FAM135B: variants seen among roughly 807,000 people sequenced by gnomAD.
The protein encoded by FAM135B is family with sequence similarity 135 member B, also known as protein FAM135B.
FAM135B carries 43 observed loss-of-function variants against 127.7 expected under a neutral mutation model. The observed-to-expected ratio is 0.34, with a 90% CI of 0.26 to 0.43. The LOEUF (loss-of-function observed/expected upper bound fraction) is 0.43, where lower values mean the gene tolerates loss of function less well. Ranked by LOEUF, FAM135B falls within the 20% of genes least tolerant of loss-of-function variation. The pLI is 1.00. For synonymous variants in FAM135B, 670 were observed against 665.1 expected (o/e 1.01, Z -0.11); for missense variants, 1,558 against 1,725.6 (o/e 0.90, Z 1.72).
At chr8:138,417,608 T>A (rs1319854886) in intron 1 of FAM135B, among the ~76,000 whole-genome samples, 2 of 152,124 alleles carry the variant, frequency 1.3e-5, no homozygotes, top group Admixed American at 1.3e-4. Context: ...CCTTGGCTCC[T>A]CCAACACAGC....
Position 138,440,660 on chromosome 8 carries a change from T to C in FAM135B, c.-20+56011A>G, listed in dbSNP as rs114415558. The C allele has an allele frequency of 1.3e-3, 202 of 152,270 alleles. 2 individuals carry two copies. Among genetic ancestry groups the C allele is most frequent in the African/African-American group, 4.6e-3 (191 of 41,566 alleles). 9.4% of individuals were successfully genotyped at this position (152,270 alleles called of 1,614,324 possible). A position where few individuals can be genotyped will look rare whatever the true frequency, so the allele number is the denominator to read the frequency against. On this transcript the variant is annotated intron_variant, in intron 1 of 19. Transcript: ENST00000395297. Reference sequence around the variant, plus strand: ...TACTGGACACCTTACCCAATACTTTTTTGACATGAGATATTTTAGAGGTGT... The same window carrying C: ...TACTGGACACCTTACCCAATACTTTCTTGACATGAGATATTTTAGAGGTGT...
intron 4 of FAM135B, among the ~76,000 whole-genome samples, chr8:138,261,788 T>C (rs968752595): frequency 6.6e-6 from 1 of 152,208 alleles, no homozygotes; most frequent in Non-Finnish European, 1.5e-5. Flanking sequence ...CTGAATTTCT[T>C]ATAGCACATG....
At chr8:138,171,098 T>A (rs556108522) in intron 11 of FAM135B, among the ~76,000 whole-genome samples, 1 of 152,282 alleles carries the variant, frequency 6.6e-6, no homozygotes, top group Non-Finnish European at 1.5e-5. Context: ...GCTCCCTTGG[T>A]CCTCCAGCTT....
Position 138,130,161 on chromosome 8 carries a change from A to G in FAM135B, c.*2432T>C, listed in dbSNP as rs2130454561. ...CAGGCATTTTGTTTATAATTTTTACAATCAATAATAGAATGTCCCTGTTTT... is the reference window on the plus strand; with the variant it reads ...CAGGCATTTTGTTTATAATTTTTACGATCAATAATAGAATGTCCCTGTTTT... On this transcript the variant is annotated 3_prime_UTR_variant, in exon 20 of 20. Coordinates refer to ENST00000395297, the MANE Select transcript of FAM135B (RefSeq NM_015912.4). 1 of 151,240 alleles carries G rather than the reference A, an allele frequency of 6.6e-6. No homozygotes were observed. The highest frequency in any genetic ancestry group is 6.6e-5 in the Admixed American group (1 of 15,148). The allele number at this position is 151,240 out of a possible 1,614,324, so 9.4% of individuals were successfully genotyped here. A position where few individuals can be genotyped will look rare whatever the true frequency, so the allele number is the denominator to read the frequency against.
intron 3 of FAM135B, among the ~76,000 whole-genome samples, chr8:138,277,034 A>G (rs1038736887): frequency 6.6e-6 from 1 of 152,172 alleles, no homozygotes; most frequent in African/African-American, 2.4e-5. Flanking sequence ...CCCTGGTTAA[A>G]ATGAGCAAGG....
intron 1 of FAM135B, among the ~76,000 whole-genome samples, chr8:138,449,235 T>A (rs555517386): frequency 6.6e-6 from 1 of 152,044 alleles, no homozygotes; most frequent in Non-Finnish European, 1.5e-5. Context: ...CTGTATTAAG[T>A]AGAATAAAAG....
intron 7 of FAM135B, among the ~76,000 whole-genome samples, chr8:138,237,150 A>ATTTTTTTTTTTTTT (rs10604150): frequency 8.9e-5 from 9 of 101,324 alleles, no homozygotes; most frequent in African/African-American, 8.3e-5. Context: ...TGGATCCTTG[A>ATTTTTTTTTTTTTT]TTTTTTTTTT....
chr8:138,467,888 T>C (rs1174983803), intron 1 of FAM135B, among the ~76,000 whole-genome samples: 1 of 152,224 alleles, frequency 6.6e-6, no homozygotes, highest in African/African-American at 2.4e-5. Context: ...TTTACTTCAG[T>C]ATAATGTCAT....
chr8:138,494,168 A>T (rs1364234339), intron 1 of FAM135B, among the ~76,000 whole-genome samples: 1 of 152,204 alleles, frequency 6.6e-6, no homozygotes, highest in Non-Finnish European at 1.5e-5. Flanking sequence ...ACCCTAAATA[A>T]TGCACAACAA....
chr8:138,182,788 C>A (rs1306380988), intron 9 of FAM135B, among the ~76,000 whole-genome samples: 1 of 152,248 alleles, frequency 6.6e-6, no homozygotes, highest in East Asian at 1.9e-4. Flanking sequence ...CGCTCTCTCA[C>A]TGGTCCTCAA....
intron 1 of FAM135B, among the ~76,000 whole-genome samples, chr8:138,383,511 T>C (rs894464505): frequency 1.3e-5 from 2 of 152,208 alleles, no homozygotes; most frequent in Non-Finnish European, 2.9e-5. Flanking sequence ...ATTCATAATT[T>C]ATATAAAAAT....
intron 3 of FAM135B, among the ~76,000 whole-genome samples, chr8:138,306,840 T>C (rs1826299864): frequency 6.6e-6 from 1 of 152,152 alleles, no homozygotes; most frequent in Admixed American, 6.5e-5. Flanking sequence ...TGCCTCGGCC[T>C]CCCAAAGTGC....
intron 2 of FAM135B, among the ~76,000 whole-genome samples, chr8:138,332,817 C>T (rs1198784853): frequency 6.6e-6 from 1 of 152,068 alleles, no homozygotes; most frequent in Non-Finnish European, 1.5e-5. Context: ...AAACAGCTGG[C>T]GGCGCTTTCT....
rs1820948940 is a variant in FAM135B, at chr8:138,242,962, A to G, written c.649T>C (p.Cys217Arg). The part of the protein sequence containing the change: ...LENLVFGAGY[C>R]KPTSSEGSFY... ...CTTACCTCTGAGGAAGTCGGCTTGC[A>G]GTACCCAGCTCCAAAGACCAAGTTT... Residue 217 changes from cysteine (C) to arginine (R), a missense_variant, in exon 7 of 20, where the codon TGC becomes CGC. Around this residue, in one of 5 missense-constraint regions of FAM135B, gnomAD observed 127 missense variants for 109.7 expected, o/e 1.16. Transcript: ENST00000395297. The surrounding 1 kb of genome is among the most constrained non-coding windows in gnomAD (Gnocchi z 9.6). 1.2e-6 allele frequency: 2 copies of G among 1,613,814 alleles called. No homozygotes were observed. The highest frequency in any genetic ancestry group is 8.5e-7 in the Non-Finnish European group (1 of 1,179,842).
At chr8:138,355,125 TG>T (rs1360324056) in intron 2 of FAM135B, among the ~76,000 whole-genome samples, 6 of 152,158 alleles carry the variant, frequency 3.9e-5, no homozygotes, top group African/African-American at 1.4e-4. Flanking sequence ...TTGGTGGGAC[TG>T]TAAGCTAGTT....
At chr8:138,331,775 A>G in intron 2 of FAM135B, among the ~76,000 whole-genome samples, 1 of 152,286 alleles carries the variant, frequency 6.6e-6, no homozygotes, top group Non-Finnish European at 1.5e-5. Flanking sequence ...ATAAAGTTGG[A>G]GTAAAATAAT....
chr8:138,181,537 G>A (rs1254350541), intron 9 of FAM135B, among the ~76,000 whole-genome samples: 2 of 151,968 alleles, frequency 1.3e-5, no homozygotes, highest in African/African-American at 4.8e-5. Context: ...ACACACACCT[G>A]GTCCTCTCCA....
At chr8:138,473,567 T>C (rs900869526) in intron 1 of FAM135B, among the ~76,000 whole-genome samples, 2 of 152,110 alleles carry the variant, frequency 1.3e-5, no homozygotes, top group Non-Finnish European at 2.9e-5. Context: ...ATGGAAACAA[T>C]ATCCCAAGCA....
At chr8:138,251,114 GCATACAT>G in intron 5 of FAM135B, 100 bp from the exon 6 acceptor site, 1 of 1,331,098 alleles carries the variant, frequency 7.5e-7, no homozygotes, top group Non-Finnish European at 1.0e-6. Context: ...CAAGCACCAT[GCATACAT>G]CATCTCGTTC....
Sources: gnomAD v4.1 joint callset for allele counts (sites outside exome capture counted in the v4.1 genomes callset) on GRCh38, gnomAD v4.1.1 for gene constraint, gnomAD v4.1.1 regional missense constraint, Gnocchi (gnomAD v3.1) non-coding constraint, MANE v1.5 for transcripts, NCBI Gene and HGNC (gene_info 2026-07-23, HGNC 2026-07-21) for gene names.